NRP2: variants seen among roughly 807,000 people sequenced by gnomAD.
NRP2 encodes the protein neuropilin-2.
Under a neutral mutation model 110.4 loss-of-function variants are expected in NRP2, and 52 were observed. The observed-to-expected ratio is 0.47, with a 90% CI of 0.38 to 0.59. The LOEUF is 0.59. Among genes scored for constraint, NRP2 ranks in the 20% least tolerant of loss-of-function variants. NRP2 has a pLI of 0.00. For synonymous variants in NRP2, 508 were observed against 468.9 expected (o/e 1.08, Z -1.08); for missense variants, 1,049 against 1,203.0 (o/e 0.87, Z 1.89).
In NRP2 at chr2:205,699,122, T is replaced by G. The variant is rs527278190; in HGVS notation, c.251+1401T>G. 2.0e-5 allele frequency among the ~76,000 whole-genome samples: 3 copies of G among 152,336 alleles called. No individual in the cohort carries two copies. In the East Asian group the frequency reaches 5.8e-4, roughly 29 times the overall value. On this transcript the variant is annotated intron_variant, in intron 2 of 16. Coordinates refer to ENST00000357785, the MANE Select transcript of NRP2 (RefSeq NM_003872.3). ...TGACGAAGAGTCATAAGATGAAGTTTCTAATCCCAGATCCACTCTTGACTC... is the reference window on the plus strand; with the variant it reads ...TGACGAAGAGTCATAAGATGAAGTTGCTAATCCCAGATCCACTCTTGACTC...
intron 2 of NRP2, among the ~76,000 whole-genome samples, chr2:205,708,600 C>T (rs1024060970): frequency 6.6e-6 from 1 of 152,198 alleles, no homozygotes; most frequent in Non-Finnish European, 1.5e-5. Flanking sequence ...GGGGCCCTCA[C>T]CATCATCGCA....
intron 7 of NRP2, among the ~76,000 whole-genome samples, chr2:205,734,550 G>C (rs1335207479): frequency 6.6e-6 from 1 of 152,146 alleles, no homozygotes; most frequent in Non-Finnish European, 1.5e-5. Context: ...AAGGGAAGGG[G>C]GTGGGAGAGG....
intron 15 of NRP2, among the ~76,000 whole-genome samples, chr2:205,784,609 A>T (rs2058215594): frequency 6.6e-6 from 1 of 151,986 alleles, no homozygotes; most frequent in African/African-American, 2.4e-5. Context: ...GGGCCCACAA[A>T]CCCATCACTG....
chr2:205,698,429 G>A (rs888144417), intron 2 of NRP2, among the ~76,000 whole-genome samples: 1 of 152,132 alleles, frequency 6.6e-6, no homozygotes, highest in Non-Finnish European at 1.5e-5. Context: ...AGAGAAAACC[G>A]AAGCACAGAG....
At chr2:205,739,920 CT>C in intron 7 of NRP2, 1 of 189,920 alleles carries the variant, frequency 5.3e-6, no homozygotes, top group South Asian at 1.0e-4. Flanking sequence ...GAAGGACTGT[CT>C]GCAACCCTGA....
intron 12 of NRP2, among the ~76,000 whole-genome samples, chr2:205,758,949 G>A (rs561557050): frequency 6.6e-6 from 1 of 152,170 alleles, no homozygotes; most frequent in East Asian, 1.9e-4. Context: ...TCTTTTGACG[G>A]TCCAAGTAAT....
chr2:205,768,990 C>A, intron 15 of NRP2, among the ~76,000 whole-genome samples: 1 of 152,154 alleles, frequency 6.6e-6, no homozygotes, highest in East Asian at 1.9e-4. Flanking sequence ...CCTGTTTGAC[C>A]ACAGCATGCA....
intron 15 of NRP2, among the ~76,000 whole-genome samples, chr2:205,789,044 T>A (rs1351725466): frequency 6.6e-6 from 1 of 152,088 alleles, no homozygotes; most frequent in African/African-American, 2.4e-5. Flanking sequence ...GAGAAGCCCC[T>A]CAAAGCCCTA....
At position 205,795,238 on chromosome 2, in the gene NRP2, G is replaced by A; in HGVS notation, c.*180G>A. ...GAGGAAGGGAGATGCAGCCGCACAG[G>A]GGATGATTACCCTCCTAGGACCGCG... On this transcript the variant is annotated 3_prime_UTR_variant, in exon 17 of 17. Coordinates refer to ENST00000357785, the MANE Select transcript of NRP2 (RefSeq NM_003872.3). 1 of 700,134 alleles carries A rather than the reference G, an allele frequency of 1.4e-6. No individual in the cohort carries two copies. Among genetic ancestry groups the A allele is most frequent in the Admixed American group, 2.1e-5 (1 of 47,126 alleles). 43.4% of individuals were successfully genotyped at this position (700,134 alleles called of 1,614,324 possible).
At chr2:205,790,711 C>G (rs1192945040) in intron 15 of NRP2, among the ~76,000 whole-genome samples, 1 of 150,076 alleles carries the variant, frequency 6.7e-6, no homozygotes, top group Non-Finnish European at 1.5e-5. Flanking sequence ...TCGATTTGAT[C>G]CCTGTGACAA....
chr2:205,797,534 C>T lies in NRP2; in HGVS notation c.*2476C>T, dbSNP rs574353836. 1.3e-5 allele frequency: 2 copies of T among 152,468 alleles called. No homozygotes were observed. Among genetic ancestry groups the T allele is most frequent in the Admixed American group, 6.5e-5 (1 of 15,290 alleles). The allele number at this position is 152,468 out of a possible 1,614,324, so 9.4% of individuals were successfully genotyped here. On this transcript the variant is annotated 3_prime_UTR_variant, in exon 17 of 17. Coordinates refer to ENST00000357785, the MANE Select transcript of NRP2 (RefSeq NM_003872.3). ...TATTCACCATTGGCTAATTTGAGGC[C>T]CTGAGTGGGCCTTGAATGCTAAAAA...
At position 205,716,226 on chromosome 2, in the gene NRP2, T is replaced by C. The variant is rs766182324; in HGVS notation, c.285T>C (p.Ser95=). ...YDFIEIRDGD[S]ESADLLGKHC... is the part of the protein sequence containing the mutation. ...TTATCGAGATTCGGGATGGGGACAG[T>C]GAATCCGCAGACCTCCTGGGCAAAC... Residue 95 remains serine (S), a synonymous_variant, in exon 3 of 17, where the codon AGT becomes AGC. Coordinates refer to ENST00000357785, the MANE Select transcript of NRP2 (RefSeq NM_003872.3). 2 of 1,614,130 alleles carry C rather than the reference T, an allele frequency of 1.2e-6. No homozygotes were observed. Among genetic ancestry groups the C allele is most frequent in the East Asian group, 2.2e-5 (1 of 44,884 alleles).
At chr2:205,774,415 T>A (rs1172673404) in intron 15 of NRP2, among the ~76,000 whole-genome samples, 15 of 152,050 alleles carry the variant, frequency 9.9e-5, no homozygotes, top group African/African-American at 3.6e-4. Flanking sequence ...GGAAGATGTA[T>A]AAAGGGACAT....
rs2057072793 is a variant in NRP2, at chr2:205,723,928, G to A, written c.808G>A (p.Glu270Lys). Residue 270 changes from glutamate to lysine, a missense_variant, in exon 5 of 17, where the codon GAG becomes AAG. Coordinates refer to ENST00000357785, the MANE Select transcript of NRP2 (RefSeq NM_003872.3). Reference sequence around the variant, plus strand: ...TGCGCGTTACTACCTGGTCCACCAAGAGCCACTAGAGAGTGAGTTGGCCGA... The same window carrying A: ...TGCGCGTTACTACCTGGTCCACCAAAAGCCACTAGAGAGTGAGTTGGCCGA... ...FSARYYLVHQ[E>K]PLENFQCNVP... The A allele has an allele frequency of 6.2e-7, 1 of 1,614,152 alleles. No individual in the cohort carries two copies. The highest frequency in any genetic ancestry group is 1.3e-5 in the African/African-American group (1 of 75,060).
At chr2:205,792,644 A>G (rs1243909229) in intron 16 of NRP2, among the ~76,000 whole-genome samples, 2 of 152,214 alleles carry the variant, frequency 1.3e-5, no homozygotes, top group Non-Finnish European at 2.9e-5. Flanking sequence ...GCCTGAGTGA[A>G]TGAGCATAAT....
At chr2:205,737,738 G>A (rs1280231564) in intron 7 of NRP2, among the ~76,000 whole-genome samples, 10 of 152,244 alleles carry the variant, frequency 6.6e-5, no homozygotes, top group African/African-American at 9.6e-5. Context: ...GGTGGGAGAA[G>A]AGTGGGCAAA....
At chr2:205,764,070 A>T in intron 13 of NRP2, 134 bp downstream of exon 13, 1 of 1,134,826 alleles carries the variant, frequency 8.8e-7, no homozygotes, top group Non-Finnish European at 1.3e-6. Context: ...CAACTGAATG[A>T]CACTCTTATT....
chr2:205,755,298 G>A (rs2057715571), intron 12 of NRP2, among the ~76,000 whole-genome samples: 1 of 152,134 alleles, frequency 6.6e-6, no homozygotes, highest in Admixed American at 6.5e-5. Context: ...TGGGGACAGA[G>A]AGAAAATTAC....
rs147998671 is a variant in NRP2, at chr2:205,769,834, A to T, written c.2425+3031A>T. ...AAAAACCGTGTGTATAAAGGGGGGA[A>T]AAAGAACCGAAAAGTGGTGTAATTA... On this transcript the variant is annotated intron_variant, in intron 15 of 16. Transcript: ENST00000357785. Among the ~76,000 whole-genome samples, 5 of 152,316 alleles carry T rather than the reference A, an allele frequency of 3.3e-5. No homozygotes were observed. In the East Asian group the frequency reaches 9.6e-4, roughly 29 times the overall value.
Sources: allele counts gnomAD v4.1 joint callset (sites outside exome capture counted in the v4.1 genomes callset), GRCh38; gene constraint gnomAD v4.1.1; transcripts MANE v1.5; gene names NCBI Gene and HGNC (gene_info 2026-07-23, HGNC 2026-07-21).